Variants in MPI observed in about 807,000 individuals in gnomAD.
MPI encodes mannose phosphate isomerase, also known as mannose-6-phosphate isomerase.
Under a neutral mutation model 40.1 loss-of-function variants are expected in MPI, and 33 were observed. The ratio of observed to expected loss-of-function variants is 0.82; its 90% confidence interval spans 0.62 to 1.10. The LOEUF (loss-of-function observed/expected upper bound fraction) is 1.10. MPI is among the 50% of genes least tolerant of loss of function. The probability of loss-of-function intolerance (pLI) is 0.00; values close to 1 mark genes in which losing one functional copy is unlikely to be tolerated. For missense variants in MPI, 514 were observed against 524.1 expected (o/e 0.98, Z 0.19); for synonymous variants, 187 against 207.4 (o/e 0.90, Z 0.85).
In MPI at chr15:74,898,680, G is replaced by C. The variant is rs2064861040; in HGVS notation, c.*950G>C. On this transcript the variant is annotated 3_prime_UTR_variant, in exon 8 of 8. Coordinates refer to ENST00000352410, the MANE Select transcript of MPI (RefSeq NM_002435.3). ...AGCCTCCCAAGTAGCTGGGACCACA[G>C]GCGCCCACCACCACGCCCAGCCAAT... is the stretch of plus-strand genomic sequence containing the variant. The C allele has an allele frequency of 6.6e-6, 1 of 152,250 alleles. No homozygotes were observed. The highest frequency in any genetic ancestry group is 2.4e-5 in the African/African-American group (1 of 41,436). 9.4% of individuals were successfully genotyped at this position (152,250 alleles called of 1,614,324 possible).
chr15:74,894,106 G>GAGCC (rs139123954), intron 5 of MPI, among the ~76,000 whole-genome samples: 1 of 59,016 alleles, frequency 1.7e-5, no homozygotes, highest in African/African-American at 4.3e-5. Flanking sequence ...GTGTGTGTGT[G>GAGCC]TGGTCTCTTT....
Position 74,896,152 on chromosome 15 carries a change from C to T in MPI, c.671C>T (p.Ala224Val), listed in dbSNP as rs373222545. The T allele has an allele frequency of 1.2e-4, 186 of 1,613,876 alleles. 1 individual carries two copies. The highest frequency in any genetic ancestry group is 1.7e-4 in the Middle Eastern group (1 of 6,044). The change falls in exon 6 of 8, where the codon GCG (alanine) becomes GTG (valine). Residue 224 changes from alanine to valine, a missense_variant and splice_region_variant. Physicochemically the swap from Ala to Val is moderately conservative, Grantham distance 64. Transcript: ENST00000352410. ...CCTTGGGGTGCTCTGTGACCCTCAGCGGCTGCCGGAAACAACATGGAGGAC... is the reference window on the plus strand; with the variant it reads ...CCTTGGGGTGCTCTGTGACCCTCAGTGGCTGCCGGAAACAACATGGAGGAC... The part of the protein sequence containing the change: ...NLLVKRISQQ[A>V]AAGNNMEDIF...
In MPI at chr15:74,900,483, G is replaced by C. The variant is rs2064909789; in HGVS notation, c.*2753G>C. The C allele has an allele frequency of 6.6e-6, 1 of 152,330 alleles. No individual in the cohort carries two copies. Among genetic ancestry groups the C allele is most frequent in the African/African-American group, 2.4e-5 (1 of 41,452 alleles). 9.4% of individuals were successfully genotyped at this position (152,330 alleles called of 1,614,324 possible). ...TGACCACCTCCCCAACAGAGATGTA[G>C]GTCTATACTTACCTTCCACAGCCAC... On this transcript the variant is annotated 3_prime_UTR_variant, in exon 8 of 8. Coordinates refer to ENST00000352410, the MANE Select transcript of MPI (RefSeq NM_002435.3).
Position 74,898,084 on chromosome 15 carries a change from C to T in MPI, c.*354C>T. On this transcript the variant is annotated 3_prime_UTR_variant, in exon 8 of 8. Coordinates refer to ENST00000352410, the MANE Select transcript of MPI (RefSeq NM_002435.3). ...GCTCAGCATCTGTCAGAGCAAGAGA[C>T]CAGGTAATTTCTAAGAACAGGGTTC... 2.6e-6 allele frequency: 1 copy of T among 383,392 alleles called. No individual in the cohort carries two copies. Among genetic ancestry groups the T allele is most frequent in the South Asian group, 2.1e-5 (1 of 46,576 alleles). The allele number at this position is 383,392 out of a possible 1,614,324, so 23.7% of individuals were successfully genotyped here.
chr15:74,897,824 T>C lies in MPI; in HGVS notation c.*94T>C, dbSNP rs2064845696. On this transcript the variant is annotated 3_prime_UTR_variant, in exon 8 of 8. Transcript: ENST00000352410. ...CCAGCTCAAGCCCCCTTCCTTGCTCTGGACCCCTTAGGTATACCCTGGAAG... is the reference window on the plus strand; with the variant it reads ...CCAGCTCAAGCCCCCTTCCTTGCTCCGGACCCCTTAGGTATACCCTGGAAG... 1 of 1,242,584 alleles carries C rather than the reference T, an allele frequency of 8.0e-7. No individual in the cohort carries two copies. Among genetic ancestry groups the C allele is most frequent in the Non-Finnish European group, 1.2e-6 (1 of 857,846 alleles). The allele number at this position is 1,242,584 out of a possible 1,614,324, so 77.0% of individuals were successfully genotyped here.
Position 74,898,557 on chromosome 15 carries a change from A to C in MPI, c.*827A>C, listed in dbSNP as rs1437040608. The C allele has an allele frequency of 6.9e-6, 1 of 145,974 alleles. No homozygotes were observed. Among genetic ancestry groups the C allele is most frequent in the African/African-American group, 2.5e-5 (1 of 39,334 alleles). 9.0% of individuals were successfully genotyped at this position (145,974 alleles called of 1,614,324 possible). The stretch of plus-strand genomic sequence containing the variant: ...TGTTTTTCTCTTTTTTTTTTTTTTG[A>C]GACGGAGTCTCGGTCTGTAGCCCAG... On this transcript the variant is annotated 3_prime_UTR_variant, in exon 8 of 8. Transcript: ENST00000352410.
intron 3 of MPI, 26 bp from the exon 4 acceptor site, chr15:74,892,635 C>T (rs1383212982): frequency 4.3e-6 from 7 of 1,613,570 alleles, no homozygotes; most frequent in Non-Finnish European, 4.2e-6. Context: ...CCTCACCATC[C>T]TCCTCTTCCC....
Position 74,899,398 on chromosome 15 carries a change from A to G in MPI, c.*1668A>G, listed in dbSNP as rs1032137318. The G allele has an allele frequency of 2.0e-5, 3 of 152,186 alleles. No individual in the cohort carries two copies. The highest frequency in any genetic ancestry group is 2.1e-4 in the South Asian group (1 of 4,826). The allele number at this position is 152,186 out of a possible 1,614,324, so 9.4% of individuals were successfully genotyped here. On this transcript the variant is annotated 3_prime_UTR_variant, in exon 8 of 8. Transcript: ENST00000352410. ...ATCTCCTGGGTTTTCTTGCCTCCAA[A>G]TTTTCTTCAGCTAAAAAACAATAAA...
chr15:74,891,325 C>T, intron 2 of MPI, 54 bp from the exon 3 acceptor site: 1 of 1,567,682 alleles, frequency 6.4e-7, no homozygotes, highest in South Asian at 1.1e-5. Context: ...GACAGGCCAA[C>T]TCAGGGTGGC....
In MPI at chr15:74,899,986, C is replaced by T. The variant is rs2064884181; in HGVS notation, c.*2256C>T. The T allele has an allele frequency of 6.6e-6, 1 of 152,252 alleles. No individual in the cohort carries two copies. Among genetic ancestry groups the T allele is most frequent in the South Asian group, 2.1e-4 (1 of 4,834 alleles). 9.4% of individuals were successfully genotyped at this position (152,252 alleles called of 1,614,324 possible). A position where few individuals can be genotyped will look rare whatever the true frequency, so the allele number is the denominator to read the frequency against. On this transcript the variant is annotated 3_prime_UTR_variant, in exon 8 of 8. Coordinates refer to ENST00000352410, the MANE Select transcript of MPI (RefSeq NM_002435.3). ...AAAATCCACTGCAACACAGACACAGCTCAACTAGTGTGATTGCATTTATTC... is the reference window on the plus strand; with the variant it reads ...AAAATCCACTGCAACACAGACACAGTTCAACTAGTGTGATTGCATTTATTC...
intron 5 of MPI, among the ~76,000 whole-genome samples, chr15:74,894,971 T>C (rs1567267826): frequency 6.8e-6 from 1 of 147,044 alleles, no homozygotes; most frequent in African/African-American, 2.4e-5. Context: ...CATAGAACTT[T>C]CTTTTTTTTT....
intron 3 of MPI, 56 bp from the exon 4 acceptor site, chr15:74,892,605 C>T (rs2064743231): frequency 1.2e-6 from 2 of 1,610,294 alleles, no homozygotes; most frequent in Admixed American, 1.7e-5. Context: ...ACTGGTGTAC[C>T]TGCTAGGTAA....
At chr15:74,896,429 C>A in intron 6 of MPI, 104 bp downstream of exon 6, 2 of 1,337,334 alleles carry the variant, frequency 1.5e-6, no homozygotes, top group Non-Finnish European at 2.1e-6. Context: ...CCCCCAAGGA[C>A]CTTGCAGCTC....
Position 74,894,884 on chromosome 15 carries a change from G to A in MPI, c.671-1268G>A, listed in dbSNP as rs181655584. Among the ~76,000 whole-genome samples, 318 of 151,978 alleles carry A rather than the reference G, an allele frequency of 2.1e-3. 1 individual carries two copies. Among genetic ancestry groups the A allele is most frequent in the African/African-American group, 7.5e-3 (313 of 41,472 alleles). The stretch of plus-strand genomic sequence containing the variant: ...CAGGCTGAGCTCATTTTCCCTTGTC[G>A]TTTCCAGGACACATTTTGGCCCTCA... On this transcript the variant is annotated intron_variant, in intron 5 of 7. Transcript: ENST00000352410.
Position 74,890,669 on chromosome 15 carries a change from G to T in MPI, c.144+15G>T, listed in dbSNP as rs373207227. 2.5e-6 allele frequency: 4 copies of T among 1,612,758 alleles called. 1 individual carries two copies. The South Asian group carries it at 3.3e-5, about 13-fold the overall frequency. On this transcript the variant is annotated intron_variant, in intron 2 of 7. Transcript: ENST00000352410. Reference sequence around the variant, plus strand: ...CTTATGCAGAGGTGAGCCCCGGGCTGTATTTCAGCCCACTTTACCCGCAGG... The same window carrying T: ...CTTATGCAGAGGTGAGCCCCGGGCTTTATTTCAGCCCACTTTACCCGCAGG...
At chr15:74,893,431 A>C (rs1450616721) in intron 5 of MPI, 111 bp downstream of exon 5, 2 of 1,273,132 alleles carry the variant, frequency 1.6e-6, no homozygotes, top group South Asian at 2.4e-5. Context: ...GAACACTAAA[A>C]GGGGCCCCAC....
At chr15:74,897,467 G>C (rs772002442) in intron 7 of MPI, 45 bp from the exon 8 acceptor site, 1 of 1,587,054 alleles carries the variant, frequency 6.3e-7, no homozygotes, top group Admixed American at 1.7e-5. Context: ...GAGCTGATGA[G>C]AGCAGAGTCT....
intron 4 of MPI, 150 bp downstream of exon 4, chr15:74,892,952 G>A (rs1038982023): frequency 2.2e-6 from 3 of 1,370,938 alleles, no homozygotes; most frequent in African/African-American, 1.4e-5. Flanking sequence ...AGCCAGGCCA[G>A]TGAGACCAGG....
intron 2 of MPI, chr15:74,890,931 A>AT (rs1163108782): frequency 2.3e-5 from 14 of 597,728 alleles, no homozygotes; most frequent in Admixed American, 1.3e-4. Flanking sequence ...TACTTTGACT[A>AT]TTTTTTTGCA....
Sources: gnomAD v4.1 joint callset for allele counts (sites outside exome capture counted in the v4.1 genomes callset) on GRCh38, gnomAD v4.1.1 for gene constraint, MANE v1.5 for transcripts, NCBI Gene and HGNC (gene_info 2026-07-23, HGNC 2026-07-21) for gene names.